The following PTPRD variants were observed in gnomAD, a reference collection of about 807,000 sequenced individuals.
The protein encoded by PTPRD is protein tyrosine phosphatase receptor type D.
In PTPRD, 34 loss-of-function variants were observed where a neutral mutation model predicts 214.5. The observed-to-expected ratio is 0.16, with a 90% CI of 0.12 to 0.21. PTPRD has a LOEUF of 0.21. Among genes scored for constraint, PTPRD ranks in the 10% least tolerant of loss-of-function variants. The probability of loss-of-function intolerance (pLI) is 1.00; values close to 1 mark genes in which losing one functional copy is unlikely to be tolerated. For missense variants in PTPRD, 2,545 were observed against 2,398.7 expected (o/e 1.06, Z -1.27); for synonymous variants, 1,128 against 845.7 (o/e 1.33, Z -5.79).
At chr9:8,324,100 C>CT (rs1831138209) in intron 44 of PTPRD, among the ~76,000 whole-genome samples, 1 of 137,042 alleles carries the variant, frequency 7.3e-6, no homozygotes, top group Admixed American at 7.7e-5. Context: ...TGATGATTAG[C>CT]ATTTTTTTTT....
intron 12 of PTPRD, among the ~76,000 whole-genome samples, chr9:8,715,553 C>A (rs2098422732): frequency 6.6e-6 from 1 of 152,188 alleles, no homozygotes; most frequent in African/African-American, 2.4e-5. Flanking sequence ...AGGATTTGAA[C>A]TCAGATCATT....
chr9:10,014,064 CT>C (rs1203685298), intron 4 of PTPRD, among the ~76,000 whole-genome samples: 2 of 151,940 alleles, frequency 1.3e-5, no homozygotes, highest in African/African-American at 4.8e-5. Context: ...ATGTCAGCCC[CT>C]ATCATCCATT....
intron 2 of PTPRD, among the ~76,000 whole-genome samples, chr9:10,398,791 A>G (rs1214138894): frequency 6.6e-6 from 1 of 151,984 alleles, no homozygotes; most frequent in Non-Finnish European, 1.5e-5. Flanking sequence ...AAGTGCTATC[A>G]TATAATTATT....
intron 39 of PTPRD, among the ~76,000 whole-genome samples, chr9:8,361,167 C>G (rs1242794213): frequency 6.6e-6 from 1 of 152,062 alleles, no homozygotes; most frequent in Non-Finnish European, 1.5e-5. Context: ...CTATTTTTTT[C>G]TATTTTCTTC....
intron 37 of PTPRD, among the ~76,000 whole-genome samples, chr9:8,384,207 T>C (rs574028413): frequency 6.6e-6 from 1 of 152,344 alleles, no homozygotes. Context: ...TACATTTTAC[T>C]TTCCCTACAA....
intron 14 of PTPRD, among the ~76,000 whole-genome samples, chr9:8,593,530 C>T (rs1407435787): frequency 1.3e-5 from 2 of 152,184 alleles, no homozygotes; most frequent in African/African-American, 4.8e-5. Context: ...ATGACATTAA[C>T]TTCTTTTTGT....
intron 44 of PTPRD, among the ~76,000 whole-genome samples, chr9:8,322,065 C>T (rs1173684927): frequency 6.6e-6 from 1 of 152,020 alleles, no homozygotes; most frequent in Non-Finnish European, 1.5e-5. Flanking sequence ...TTTGGGGTGC[C>T]ATGAACCATG....
chr9:8,380,063 T>C (rs2084510837), intron 37 of PTPRD, among the ~76,000 whole-genome samples: 1 of 152,256 alleles, frequency 6.6e-6, no homozygotes, highest in South Asian at 2.1e-4. Context: ...GGTTATCAGT[T>C]TGATGACATT....
intron 2 of PTPRD, among the ~76,000 whole-genome samples, chr9:10,358,818 T>G (rs2097325327): frequency 6.6e-6 from 1 of 151,960 alleles, no homozygotes. Context: ...AAATCATATA[T>G]TTTGAGCTTC....
intron 2 of PTPRD, among the ~76,000 whole-genome samples, chr9:10,393,119 CAT>C (rs1565745669): frequency 6.6e-6 from 1 of 151,834 alleles, no homozygotes; most frequent in Non-Finnish European, 1.5e-5. Context: ...GTGTGACATG[CAT>C]AGTCACTAAA....
chr9:9,245,464 T>C (rs1344555384), intron 9 of PTPRD, among the ~76,000 whole-genome samples: 1 of 152,114 alleles, frequency 6.6e-6, no homozygotes, highest in Non-Finnish European at 1.5e-5. Flanking sequence ...TTCGTGTCCT[T>C]TGTAGGGACA....
intron 7 of PTPRD, among the ~76,000 whole-genome samples, chr9:9,605,055 T>C (rs2094057347): frequency 6.6e-6 from 1 of 152,046 alleles, no homozygotes; most frequent in African/African-American, 2.4e-5. Context: ...TTAATCTATT[T>C]GAATGGAACT....
chr9:8,929,262 G>C (rs2098927540), intron 11 of PTPRD, among the ~76,000 whole-genome samples: 1 of 152,084 alleles, frequency 6.6e-6, no homozygotes, highest in Non-Finnish European at 1.5e-5. Flanking sequence ...TCCTTGTCTT[G>C]TGCCGGTTTT....
chr9:9,390,562 T>G (rs1412045136), intron 9 of PTPRD, among the ~76,000 whole-genome samples: 1 of 152,102 alleles, frequency 6.6e-6, no homozygotes, highest in Non-Finnish European at 1.5e-5. Context: ...TTTAAAAATT[T>G]AAAAATGTGT....
chr9:10,150,022 T>C (rs1371709572), intron 3 of PTPRD, among the ~76,000 whole-genome samples: 5 of 152,042 alleles, frequency 3.3e-5, no homozygotes, highest in Non-Finnish European at 7.4e-5. Flanking sequence ...AGCCATGGCG[T>C]CTGGCCCTAT....
chr9:10,310,841 A>AT lies in PTPRD; in HGVS notation c.-545+30121dup, dbSNP rs538484058. ...TTAAACGCAAAAGGCTGCAAAGATG[A>AT]TTTTTTTCATTAATATGTTGTTACT... On this transcript the variant is annotated intron_variant, in intron 3 of 45. Transcript: ENST00000381196. 7.6e-4 allele frequency among the ~76,000 whole-genome samples: 116 copies of AT among 152,168 alleles called. 2 individuals carry two copies. In the South Asian group the frequency reaches 0.021, roughly 27 times the overall value.
chr9:10,424,912 C>A (rs1250825914), intron 2 of PTPRD, among the ~76,000 whole-genome samples: 2 of 151,916 alleles, frequency 1.3e-5, no homozygotes, highest in African/African-American at 4.8e-5. Context: ...AATGAATAGT[C>A]TTACTCTCTC....
chr9:9,022,389 C>T (rs755670644), intron 10 of PTPRD, among the ~76,000 whole-genome samples: 1 of 152,034 alleles, frequency 6.6e-6, no homozygotes, highest in Non-Finnish European at 1.5e-5. Context: ...TGCAGGTGTA[C>T]TATTTTTTAT....
intron 11 of PTPRD, among the ~76,000 whole-genome samples, chr9:8,817,060 T>C (rs1434273): frequency 0.51 from 76,877 of 152,054 alleles, 19,854 homozygotes; most frequent in African/African-American, 0.6. Flanking sequence ...GATTAAAGAA[T>C]ATTTTTCCTT....
Sources: allele counts gnomAD v4.1 joint callset (sites outside exome capture counted in the v4.1 genomes callset), GRCh38; gene constraint gnomAD v4.1.1; transcripts MANE v1.5; gene names NCBI Gene and HGNC (gene_info 2026-07-23, HGNC 2026-07-21).